FREM2: variants seen among roughly 807,000 people sequenced by gnomAD.
FREM2 encodes the protein FRAS1 related extracellular matrix 2, also known as FRAS1-related extracellular matrix protein 2.
Under a neutral mutation model 219.9 loss-of-function variants are expected in FREM2, and 119 were observed. The ratio of observed to expected loss-of-function variants is 0.54; its 90% confidence interval spans 0.47 to 0.63. The LOEUF is 0.63. Among genes scored for constraint, FREM2 ranks in the 30% least tolerant of loss-of-function variants. The pLI is 0.00. For missense variants in FREM2, 4,030 were observed against 3,993.6 expected (o/e 1.01, Z -0.25); for synonymous variants, 1,562 against 1,522.8 (o/e 1.03, Z -0.60).
intron 2 of FREM2, among the ~76,000 whole-genome samples, chr13:38,712,789 G>A (rs1007292193): frequency 1.3e-5 from 2 of 151,976 alleles, no homozygotes; most frequent in African/African-American, 4.8e-5. Context: ...CCTGGTACTA[G>A]TGCCAAAATT....
rs1163335965 is a variant in FREM2 at position 38,881,432 on chromosome 13, T to G, written c.*645T>G. On this transcript the variant is annotated 3_prime_UTR_variant, in exon 24 of 24. Transcript: ENST00000280481. ...TCATTCTCATCAGACTCTCCTTGTT[T>G]TGTTTGCATATTTAATTTTAAATTA... 6.4e-6 allele frequency: 1 copy of G among 155,062 alleles called. No individual in the cohort carries two copies. Among genetic ancestry groups the G allele is most frequent in the Non-Finnish European group, 1.4e-5 (1 of 69,646 alleles). The allele number at this position is 155,062 out of a possible 1,614,324, so 9.6% of individuals were successfully genotyped here.
Position 38,769,602 on chromosome 13 carries a change from C to T in FREM2, c.5435C>T (p.Ala1812Val), listed in dbSNP as rs1566135542. ...GGTATTGGCACAAGAGACAGAACTG[C>T]AGAAAAAGACAAAGACTTCAAGGGC... ...FISIGTRDRT[A>V]EKDKDFKGKA... Residue 1812 changes from alanine to valine, a missense_variant, in exon 4 of 24, where the codon GCA (alanine) becomes GTA (valine). Ala to Val is a moderately conservative substitution (Grantham distance 64). Around this residue, in one of 2 missense-constraint regions of FREM2, gnomAD observed 3,102 missense variants for 2,950.7 expected, o/e 1.05. Coordinates refer to ENST00000280481, the MANE Select transcript of FREM2 (RefSeq NM_207361.6). 6.2e-7 allele frequency: 1 copy of T among 1,613,970 alleles called. No individual in the cohort carries two copies. Among genetic ancestry groups the T allele is most frequent in the Non-Finnish European group, 8.5e-7 (1 of 1,179,874 alleles).
At chr13:38,715,391 A>ACT (rs1399976014) in intron 2 of FREM2, among the ~76,000 whole-genome samples, 1 of 152,010 alleles carries the variant, frequency 6.6e-6, no homozygotes, top group East Asian at 1.9e-4. Flanking sequence ...CGAAAAGTGG[A>ACT]CTCTCTCCCC....
intron 14 of FREM2, among the ~76,000 whole-genome samples, chr13:38,860,482 T>G (rs1347565553): frequency 6.6e-6 from 1 of 152,220 alleles, no homozygotes; most frequent in Admixed American, 6.5e-5. Flanking sequence ...CAAAAGTAAA[T>G]TTACTGCATA....
chr13:38,823,517 C>A (rs1464171311), intron 6 of FREM2, among the ~76,000 whole-genome samples: 1 of 151,978 alleles, frequency 6.6e-6, no homozygotes, highest in Admixed American at 6.6e-5. Flanking sequence ...GCATACAATA[C>A]CACAGCAAAC....
chr13:38,874,435 G>A, intron 17 of FREM2, 47 bp from the exon 18 acceptor site: 1 of 1,439,168 alleles, frequency 6.9e-7, no homozygotes, highest in Non-Finnish European at 9.8e-7. Context: ...TACATAAGGG[G>A]TCTCTGGCTA....
At chr13:38,855,735 G>T (rs1877530499) in intron 11 of FREM2, among the ~76,000 whole-genome samples, 1 of 152,086 alleles carries the variant, frequency 6.6e-6, no homozygotes, top group African/African-American at 2.4e-5. Context: ...CAGGGAAAGG[G>T]TGGGAGGGAG....
intron 2 of FREM2, among the ~76,000 whole-genome samples, chr13:38,727,903 G>A (rs191490934): frequency 3.1e-4 from 47 of 152,138 alleles, no homozygotes; most frequent in Non-Finnish European, 5.9e-4. Context: ...ATAATTACAA[G>A]TTAATCCAAG....
chr13:38,732,326 C>T (rs1038015311), intron 2 of FREM2, among the ~76,000 whole-genome samples: 33 of 152,134 alleles, frequency 2.2e-4, no homozygotes, highest in African/African-American at 5.6e-4. Flanking sequence ...GATTGGACTT[C>T]ACTAGTCTAT....
chr13:38,862,705 C>T (rs1055871385), intron 15 of FREM2, among the ~76,000 whole-genome samples: 1 of 152,118 alleles, frequency 6.6e-6, no homozygotes, highest in Non-Finnish European at 1.5e-5. Context: ...TGCCAGGGCT[C>T]AACACACTAT....
rs998078299 is a variant in FREM2 at position 38,836,822 on chromosome 13, G to C, written c.6020-9751G>C. Among the ~76,000 whole-genome samples the C allele has an allele frequency of 3.3e-5, 5 of 151,998 alleles. No individual in the cohort carries two copies. The South Asian group carries it at 1.0e-3, about 32-fold the overall frequency. ...TTATCATTCTTTATTGTGTCTATTT[G>C]ATTCTTCTCTCTTTTCTTCTTTATT... is the stretch of plus-strand genomic sequence containing the variant. On this transcript the variant is annotated intron_variant, in intron 6 of 23. Coordinates refer to ENST00000280481, the MANE Select transcript of FREM2 (RefSeq NM_207361.6).
intron 10 of FREM2, 103 bp from the exon 11 acceptor site, chr13:38,851,583 A>T: frequency 1.1e-6 from 1 of 903,582 alleles, no homozygotes; most frequent in South Asian, 1.4e-5. Flanking sequence ...CCAGGAGTGT[A>T]ATAGTCATTT....
intron 2 of FREM2, among the ~76,000 whole-genome samples, chr13:38,729,659 G>A (rs12585515): frequency 2.0e-5 from 3 of 152,006 alleles, no homozygotes; most frequent in African/African-American, 7.2e-5. Context: ...AACAAATACC[G>A]CATGTGTGAT....
intron 16 of FREM2, among the ~76,000 whole-genome samples, chr13:38,865,178 GT>G (rs955828762): frequency 9.2e-5 from 14 of 152,076 alleles, no homozygotes; most frequent in African/African-American, 3.4e-4. Flanking sequence ...AGTCAGAAGT[GT>G]TTTTATTAAA....
chr13:38,709,757 C>T (rs1870691364), intron 2 of FREM2, among the ~76,000 whole-genome samples: 1 of 150,736 alleles, frequency 6.6e-6, no homozygotes, highest in Non-Finnish European at 1.5e-5. Flanking sequence ...CGTGATTTGA[C>T]ACAGATACTG....
intron 6 of FREM2, among the ~76,000 whole-genome samples, chr13:38,792,039 A>C (rs913790956): frequency 6.6e-6 from 1 of 152,206 alleles, no homozygotes; most frequent in East Asian, 1.9e-4. Context: ...TACAAAGATA[A>C]CCATGAAAAC....
At chr13:38,835,557 T>C (rs1354974024) in intron 6 of FREM2, among the ~76,000 whole-genome samples, 1 of 152,266 alleles carries the variant, frequency 6.6e-6, no homozygotes, top group Non-Finnish European at 1.5e-5. Context: ...TTTCATGATA[T>C]TGATTCTTCC....
rs887973778 is a variant in FREM2, at chr13:38,886,519, TC to T, written c.*5734del. The T allele has an allele frequency of 6.6e-6, 1 of 152,180 alleles. No individual in the cohort carries two copies. Among genetic ancestry groups the T allele is most frequent in the Non-Finnish European group, 1.5e-5 (1 of 68,112 alleles). 9.4% of individuals were successfully genotyped at this position (152,180 alleles called of 1,614,324 possible). A position where few individuals can be genotyped will look rare whatever the true frequency, so the allele number is the denominator to read the frequency against. Reference sequence around the variant, plus strand: ...TTCAAGTGATTCTCCTGCCTCAACCTCCTGAGTAGCTGGAATTACAGGTGCC... The same window carrying T: ...TTCAAGTGATTCTCCTGCCTCAACCTCTGAGTAGCTGGAATTACAGGTGCC... On this transcript the variant is annotated 3_prime_UTR_variant, in exon 24 of 24. Transcript: ENST00000280481.
intron 2 of FREM2, among the ~76,000 whole-genome samples, chr13:38,708,102 A>G (rs954054188): frequency 2.0e-4 from 31 of 152,212 alleles, no homozygotes; most frequent in African/African-American, 7.2e-4. Context: ...TAAAATAATC[A>G]TAGGCACAAA....
Sources: allele counts gnomAD v4.1 joint callset (sites outside exome capture counted in the v4.1 genomes callset), GRCh38; gene constraint gnomAD v4.1.1; regional missense constraint gnomAD v4.1.1; transcripts MANE v1.5; gene names NCBI Gene and HGNC (gene_info 2026-07-23, HGNC 2026-07-21).